Variants in STMND1 observed in about 807,000 individuals in gnomAD.
STMND1 encodes the protein stathmin domain-containing protein 1.
A neutral mutation model predicts 23.0 loss-of-function variants in STMND1; 17 were observed. That is an observed-to-expected ratio of 0.74 (90% confidence interval 0.51 to 1.11). The LOEUF is 1.11. Among genes scored for constraint, STMND1 ranks in the 50% least tolerant of loss-of-function variants. The pLI, the probability that STMND1 is intolerant of heterozygous loss-of-function variation, is 0.00. For missense variants in STMND1, 305 were observed against 329.1 expected, an observed-to-expected ratio of 0.93 and a Z score of 0.57; for synonymous variants, 114 against 119.9, an observed-to-expected ratio of 0.95 and a Z score of 0.32.
rs748360717 is a variant in STMND1 at position 17,103,635 on chromosome 6, G to A, written c.81+1297G>A. Among the ~76,000 whole-genome samples, 3 of 131,912 alleles carry A rather than the reference G, an allele frequency of 2.3e-5. 1 individual carries two copies. Among genetic ancestry groups the A allele is most frequent in the African/African-American group, 8.8e-5 (3 of 34,244 alleles). 86.5% of individuals were successfully genotyped at this position (131,912 alleles called of 152,430 possible). Reference sequence around the variant, plus strand: ...CACCCAGGCTGGAGTGCAATGGCACGATCTCAGCTCACTGCAACCTCCATC... The same window carrying A: ...CACCCAGGCTGGAGTGCAATGGCACAATCTCAGCTCACTGCAACCTCCATC... On this transcript the variant is annotated intron_variant, in intron 1 of 4. Transcript: ENST00000536551.
chr6:17,109,372 T>C (rs1368628394), intron 1 of STMND1, among the ~76,000 whole-genome samples: 1 of 152,220 alleles, frequency 6.6e-6, no homozygotes, highest in Non-Finnish European at 1.5e-5. Context: ...ACTACAAGCA[T>C]GCAAGAATCC....
At chr6:17,103,261 C>T (rs1760967339) in intron 1 of STMND1, among the ~76,000 whole-genome samples, 1 of 152,196 alleles carries the variant, frequency 6.6e-6, no homozygotes, top group African/African-American at 2.4e-5. Context: ...CAAACTGGGA[C>T]TTATGGCCAC....
At position 17,124,835 on chromosome 6, in the gene STMND1, CA is replaced by C. The variant is rs751914126; in HGVS notation, c.411+4091del. The stretch of plus-strand genomic sequence containing the variant: ...CAACATGGTAAAACCCCATCTCTAC[CA>C]AAAAAAAAAAAAATTAGCTGGGCAT... On this transcript the variant is annotated intron_variant, in intron 3 of 4. Coordinates refer to ENST00000536551, the MANE Select transcript of STMND1 (RefSeq NM_001190766.2). Among the ~76,000 whole-genome samples, 538 of 131,264 alleles carry C rather than the reference CA, an allele frequency of 4.1e-3. 1 individual carries two copies. Among genetic ancestry groups the C allele is most frequent in the African/African-American group, 4.4e-3 (157 of 35,902 alleles). 86.1% of individuals were successfully genotyped at this position (131,264 alleles called of 152,430 possible).
chr6:17,107,856 T>C (rs1761047351), intron 1 of STMND1, among the ~76,000 whole-genome samples: 1 of 152,226 alleles, frequency 6.6e-6, no homozygotes. Context: ...ATTCTTCATG[T>C]ATATGTAGAA....
intron 2 of STMND1, among the ~76,000 whole-genome samples, chr6:17,117,187 G>A (rs1417072491): frequency 2.6e-5 from 4 of 151,686 alleles, no homozygotes; most frequent in East Asian, 1.9e-4. Context: ...TCCTGCCTCC[G>A]CCTCCTGAGT....
At chr6:17,114,333 C>T (rs1043767081) in intron 1 of STMND1, among the ~76,000 whole-genome samples, 3 of 150,944 alleles carry the variant, frequency 2.0e-5, no homozygotes, top group Admixed American at 6.6e-5. Context: ...GGCATGATCT[C>T]GGCTCACTGC....
chr6:17,115,623 T>C (rs572606714), intron 2 of STMND1, among the ~76,000 whole-genome samples: 2 of 152,366 alleles, frequency 1.3e-5, no homozygotes, highest in East Asian at 3.9e-4. Context: ...GTAGTTATGA[T>C]TTACTTGTGC....
At position 17,130,730 on chromosome 6, in the gene STMND1, T is replaced by C; in HGVS notation, c.680T>C (p.Phe227Ser). ...KGLQRVRSAGFEPSDLQGGKP... is the reference protein window; with the variant it reads ...KGLQRVRSAGSEPSDLQGGKP... ...CTTCAAAGGGTGAGGTCTGCTGGAT[T>C]TGAACCATCTGACCTGCAGGGAGGA... Residue 227 changes from phenylalanine (F) to serine (S), a missense_variant, in exon 5 of 5, where the codon TTT becomes TCT. Transcript: ENST00000536551. The C allele has an allele frequency of 6.5e-7, 1 of 1,536,026 alleles. No individual in the cohort carries two copies. Among genetic ancestry groups the C allele is most frequent in the Non-Finnish European group, 8.7e-7 (1 of 1,146,898 alleles).
Position 17,130,833 on chromosome 6 carries a change from C to G in STMND1, c.783C>G (p.Val261=), listed in dbSNP as rs541796943. 1 of 1,535,518 alleles carries G rather than the reference C, an allele frequency of 6.5e-7. No individual in the cohort carries two copies. Among genetic ancestry groups the G allele is most frequent in the African/African-American group, 1.4e-5 (1 of 73,116 alleles). The change falls in exon 5 of 5, where the codon GTC becomes GTG. Residue 261 remains valine (V), a synonymous_variant. Coordinates refer to ENST00000536551, the MANE Select transcript of STMND1 (RefSeq NM_001190766.2). The part of the protein sequence containing the change: ...DRNESDESFG[V]VESDMSYNQA... ...ACGAAAGTGATGAAAGTTTTGGGGTCGTGGAGTCAGACATGTCCTACAACC... is the reference window on the plus strand; with the variant it reads ...ACGAAAGTGATGAAAGTTTTGGGGTGGTGGAGTCAGACATGTCCTACAACC...
intron 1 of STMND1, among the ~76,000 whole-genome samples, chr6:17,107,930 T>C (rs920307870): frequency 9.2e-5 from 14 of 152,214 alleles, no homozygotes; most frequent in Non-Finnish European, 1.8e-4. Flanking sequence ...GTCTGGTCTT[T>C]AAACTATGTC....
intron 3 of STMND1, among the ~76,000 whole-genome samples, chr6:17,122,899 G>A (rs192030590): frequency 2.9e-4 from 44 of 152,202 alleles, no homozygotes; most frequent in Non-Finnish European, 3.4e-4. Context: ...TCAAAGGGGA[G>A]AGGAAAGATT....
chr6:17,120,715 G>A lies in STMND1; in HGVS notation c.368G>A (p.Ser123Asn). 2 of 1,534,924 alleles carry A rather than the reference G, an allele frequency of 1.3e-6. No individual in the cohort carries two copies. The highest frequency in any genetic ancestry group is 1.7e-6 in the Non-Finnish European group (2 of 1,146,448). ...EELIVQGIIQ[S>N]HSKVFRNGES... ...CTAATTGTTCAAGGAATTATACAAA[G>A]CCACAGCAAAGTATTTAGAAATGGA... Residue 123 changes from serine (S) to asparagine (N), a missense_variant, in exon 3 of 5, where the codon AGC (serine) becomes AAC (asparagine). Physicochemically the swap from Ser to Asn is conservative, Grantham distance 46. Coordinates refer to ENST00000536551, the MANE Select transcript of STMND1 (RefSeq NM_001190766.2).
chr6:17,103,818 C>T (rs535481195), intron 1 of STMND1, among the ~76,000 whole-genome samples: 1 of 152,176 alleles, frequency 6.6e-6, no homozygotes, highest in African/African-American at 2.4e-5. Context: ...GATCCACCCG[C>T]CCCAGCCTCC....
intron 1 of STMND1, among the ~76,000 whole-genome samples, chr6:17,111,071 T>C (rs546730080): frequency 5.9e-5 from 9 of 152,342 alleles, no homozygotes; most frequent in Admixed American, 5.9e-4. Flanking sequence ...GTTCTTTAAA[T>C]TGAATTAATT....
chr6:17,120,501 G>A, intron 2 of STMND1, 106 bp from the exon 3 acceptor site: 1 of 784,258 alleles, frequency 1.3e-6, no homozygotes. Flanking sequence ...TTGAAACTAA[G>A]ATCTAATTAA....
chr6:17,128,833 C>T (rs987983135), intron 3 of STMND1: 1 of 254,258 alleles, frequency 3.9e-6, no homozygotes, highest in African/African-American at 2.3e-5. Context: ...CACCCTCAGC[C>T]TCCCAAGTAG....
At chr6:17,127,458 G>T (rs1285232903) in intron 3 of STMND1, among the ~76,000 whole-genome samples, 2 of 152,202 alleles carry the variant, frequency 1.3e-5, no homozygotes, top group Admixed American at 1.3e-4. Context: ...GCTGAGGCAG[G>T]TGAATCGCTT....
chr6:17,115,817 G>C (rs1273713512), intron 2 of STMND1, among the ~76,000 whole-genome samples: 1 of 152,118 alleles, frequency 6.6e-6, no homozygotes, highest in East Asian at 1.9e-4. Flanking sequence ...CCCCATCACT[G>C]TTATTTCTTC....
intron 3 of STMND1, among the ~76,000 whole-genome samples, chr6:17,121,720 G>A (rs573043192): frequency 6.6e-6 from 1 of 152,026 alleles, no homozygotes; most frequent in African/African-American, 2.4e-5. Context: ...TCAAACATGA[G>A]GAATTAAATA....
Sources: gnomAD v4.1 joint callset for allele counts (sites outside exome capture counted in the v4.1 genomes callset) on GRCh38, gnomAD v4.1.1 for gene constraint, MANE v1.5 for transcripts, NCBI Gene and HGNC (gene_info 2026-07-23, HGNC 2026-07-21) for gene names.